The following CTNND2 variants were observed in gnomAD, a reference collection of about 807,000 sequenced individuals.
CTNND2 encodes the protein catenin delta 2.
A neutral mutation model predicts 144.4 loss-of-function variants in CTNND2; 22 were observed. The ratio of observed to expected loss-of-function variants is 0.15; its 90% CI spans 0.11 to 0.22. CTNND2 has a LOEUF of 0.22. Among genes scored for constraint, CTNND2 ranks in the 10% least tolerant of loss-of-function variants. The pLI is 1.00. For synonymous variants in CTNND2, 751 were observed against 695.6 expected (o/e 1.08, Z -1.25); for missense variants, 1,353 against 1,618.8 (o/e 0.84, Z 2.82).
chr5:11,832,269 C>T (rs1288687581), intron 1 of CTNND2, among the ~76,000 whole-genome samples: 4 of 151,264 alleles, frequency 2.6e-5, no homozygotes, highest in South Asian at 2.1e-4. Context: ...GGCAACAGAG[C>T]GAGATTCCAT....
At chr5:11,124,933 G>A (rs906867662) in intron 12 of CTNND2, among the ~76,000 whole-genome samples, 3 of 152,180 alleles carry the variant, frequency 2.0e-5, no homozygotes, top group Non-Finnish European at 4.4e-5. Flanking sequence ...GCCCCTGCTT[G>A]GAGCAGCACG....
At chr5:11,159,001 T>C (rs1167398204) in intron 12 of CTNND2, among the ~76,000 whole-genome samples, 1 of 152,208 alleles carries the variant, frequency 6.6e-6, no homozygotes, top group African/African-American at 2.4e-5. Flanking sequence ...TCCTGATGAT[T>C]TTTGTGAAAA....
At chr5:11,098,528 T>C (rs1024642135) in intron 15 of CTNND2, 47 bp downstream of exon 15, 1 of 1,518,926 alleles carries the variant, frequency 6.6e-7, no homozygotes, top group East Asian at 2.3e-5. Flanking sequence ...TTCTGAGGAG[T>C]TGCTCATAAC....
At chr5:11,027,514 TTGG>T (rs1742981895) in intron 16 of CTNND2, among the ~76,000 whole-genome samples, 1 of 152,144 alleles carries the variant, frequency 6.6e-6, no homozygotes, top group Admixed American at 6.5e-5. Flanking sequence ...GAGACTACCA[TTGG>T]TGATAACATA....
chr5:11,518,259 G>A (rs547043724), intron 3 of CTNND2, among the ~76,000 whole-genome samples: 76 of 150,004 alleles, frequency 5.1e-4, no homozygotes, highest in Admixed American at 4.9e-3. Context: ...AACATTTAAA[G>A]AGTAAAAAAA....
chr5:11,130,261 C>CG, intron 12 of CTNND2, among the ~76,000 whole-genome samples: 1 of 151,870 alleles, frequency 6.6e-6, no homozygotes, highest in Admixed American at 6.6e-5. Context: ...CATACCACAC[C>CG]CCCCCCATCC....
At chr5:11,571,005 T>A (rs548477248) in intron 2 of CTNND2, among the ~76,000 whole-genome samples, 2 of 152,314 alleles carry the variant, frequency 1.3e-5, no homozygotes, top group African/African-American at 4.8e-5. Context: ...AAGTCTCTAA[T>A]GAATAATTCA....
At chr5:11,665,458 T>C (rs1217433611) in intron 2 of CTNND2, among the ~76,000 whole-genome samples, 2 of 152,222 alleles carry the variant, frequency 1.3e-5, no homozygotes, top group Admixed American at 6.5e-5. Context: ...TAAATCTTAC[T>C]ACATTTTCAC....
intron 2 of CTNND2, among the ~76,000 whole-genome samples, chr5:11,677,231 A>G (rs1289382859): frequency 2.0e-5 from 3 of 152,238 alleles, no homozygotes; most frequent in Non-Finnish European, 4.4e-5. Flanking sequence ...TTGCCAACTG[A>G]TAAGATCATG....
chr5:11,652,684 A>T (rs1017799544), intron 2 of CTNND2, among the ~76,000 whole-genome samples: 2 of 152,208 alleles, frequency 1.3e-5, no homozygotes, highest in Non-Finnish European at 2.9e-5. Flanking sequence ...AATCACCACA[A>T]TTAAGCTAAT....
chr5:11,529,556 G>A (rs1773555631), intron 3 of CTNND2, among the ~76,000 whole-genome samples: 1 of 152,190 alleles, frequency 6.6e-6, no homozygotes, highest in South Asian at 2.1e-4. Flanking sequence ...ATATCCTCAT[G>A]GGAAGATAAT....
chr5:11,537,953 C>T (rs1200462022), intron 3 of CTNND2, among the ~76,000 whole-genome samples: 1 of 152,144 alleles, frequency 6.6e-6, no homozygotes, highest in Non-Finnish European at 1.5e-5. Flanking sequence ...TCTCTTTATT[C>T]ACCTACGCTG....
chr5:11,239,858 C>T (rs1742031326), intron 9 of CTNND2, among the ~76,000 whole-genome samples: 1 of 152,208 alleles, frequency 6.6e-6, no homozygotes, highest in Admixed American at 6.5e-5. Flanking sequence ...CACCGTCATG[C>T]TGTGGGCCAT....
At chr5:11,749,715 T>C (rs1788504844) in intron 1 of CTNND2, among the ~76,000 whole-genome samples, 1 of 152,044 alleles carries the variant, frequency 6.6e-6, no homozygotes, top group South Asian at 2.1e-4. Flanking sequence ...TTGCTGAAGT[T>C]TAGGTTGATA....
intron 3 of CTNND2, among the ~76,000 whole-genome samples, chr5:11,497,516 G>GC (rs1770077997): frequency 1.6e-5 from 1 of 63,400 alleles, no homozygotes. Context: ...ATGTGCGGGG[G>GC]GGTGGGGGGG....
intron 10 of CTNND2, among the ~76,000 whole-genome samples, chr5:11,213,722 G>A (rs1738879406): frequency 6.6e-6 from 1 of 152,144 alleles, no homozygotes; most frequent in South Asian, 2.1e-4. Context: ...GCATTCCATG[G>A]AAGGCCACTG....
At chr5:11,258,629 G>GT (rs1339490551) in intron 9 of CTNND2, among the ~76,000 whole-genome samples, 5 of 151,984 alleles carry the variant, frequency 3.3e-5, no homozygotes, top group African/African-American at 9.7e-5. Flanking sequence ...TTATGTGTGC[G>GT]TTTTTTTCAA....
At chr5:11,672,037 G>A (rs1036140253) in intron 2 of CTNND2, among the ~76,000 whole-genome samples, 8 of 152,114 alleles carry the variant, frequency 5.3e-5, no homozygotes, top group Admixed American at 3.3e-4. Flanking sequence ...CAGTGAAGCC[G>A]CTCTGAGGCA....
intron 1 of CTNND2, among the ~76,000 whole-genome samples, chr5:11,785,941 A>G (rs1790805533): frequency 6.6e-6 from 1 of 152,232 alleles, no homozygotes; most frequent in African/African-American, 2.4e-5. Flanking sequence ...TGGGCTGGAC[A>G]GCCAGTGCCC....
Sources: gnomAD v4.1 joint callset for allele counts (sites outside exome capture counted in the v4.1 genomes callset) on GRCh38, gnomAD v4.1.1 for gene constraint, MANE v1.5 for transcripts, NCBI Gene and HGNC (gene_info 2026-07-23, HGNC 2026-07-21) for gene names.